Variants in HELZ2 observed in about 807,000 individuals in gnomAD.
The protein encoded by HELZ2 is 3'-5' exoribonuclease HELZ2.
In HELZ2, 143 loss-of-function variants were observed where a neutral mutation model predicts 208.8. That is an observed-to-expected ratio of 0.68 (90% CI 0.60 to 0.79). HELZ2 has a LOEUF of 0.79. HELZ2 is among the 30% of genes least tolerant of loss of function. The probability of loss-of-function intolerance (pLI) is 0.00; values close to 1 mark genes in which losing one functional copy is unlikely to be tolerated. For missense variants in HELZ2, 3,690 were observed against 3,794.5 expected (o/e 0.97, Z 0.72); for synonymous variants, 1,705 against 1,693.7 (o/e 1.01, Z -0.16).
chr20:63,559,957 G>C (rs371335525), exon 18 of HELZ2: 1 of 1,611,572 alleles, frequency 6.2e-7, no homozygotes, highest in East Asian at 2.2e-5. Flanking sequence ...CTGGGCCCGC[G>C]TGACAGCCAC....
chr20:63,568,538 C>A (rs531657638), exon 5 of HELZ2: 3 of 1,582,228 alleles, frequency 1.9e-6, no homozygotes, highest in Non-Finnish European at 1.7e-6. Flanking sequence ...CTCCTGCTTG[C>A]GGTTGCCACG....
chr20:63,565,657 C>T lies in HELZ2; in HGVS notation c.3165G>A (p.Glu1055=), dbSNP rs148291024. ...ACGGCCAGAAGTCAGCCTCTGCATC[C>T]TCAGCCTCCGTGGACTCCACGCCCG... Residue 1055 remains glutamate, a synonymous_variant, in exon 8 of 19, where the codon GAG becomes GAA. Transcript: ENST00000467148. The T allele has an allele frequency of 3.7e-6, 6 of 1,610,316 alleles. No homozygotes were observed. The African/African-American group carries it at 8.0e-5, about 21-fold the overall frequency.
exon 10 of HELZ2, chr20:63,562,127 G>C (rs924016550): frequency 2.5e-6 from 4 of 1,586,812 alleles, no homozygotes; most frequent in Non-Finnish European, 2.6e-6. Context: ...TGACCGCCAC[G>C]TTCTGGCTGG....
At position 63,572,092 on chromosome 20, in the gene HELZ2, C is replaced by A; in HGVS notation, c.278+16G>T. The A allele has an allele frequency of 1.3e-6, 2 of 1,594,972 alleles. No homozygotes were observed. The highest frequency in any genetic ancestry group is 1.7e-6 in the Non-Finnish European group (2 of 1,170,310). ...GCTCCTGCCCTACTCCAAGCTCCTGCCTCGAGTATCCTTACTTTGGGCAGA... is the reference window on the plus strand; with the variant it reads ...GCTCCTGCCCTACTCCAAGCTCCTGACTCGAGTATCCTTACTTTGGGCAGA... On this transcript the variant is annotated intron_variant, in intron 1 of 18. Transcript: ENST00000467148.
exon 8 of HELZ2, chr20:63,564,383 T>C: frequency 6.4e-7 from 1 of 1,552,542 alleles, no homozygotes; most frequent in Non-Finnish European, 8.7e-7. Context: ...GTCCACGGAG[T>C]CCAGGCGGGC....
At chr20:63,559,030 A>C, downstream of HELZ2, 2 of 519,764 alleles carry the variant, frequency 3.8e-6, no homozygotes, top group Non-Finnish European at 3.4e-6. Flanking sequence ...CCACCCTGAG[A>C]GGTGTTCCTG....
In HELZ2 at chr20:63,561,279, C is replaced by A. The variant is rs778984434; in HGVS notation, c.6954-5G>T. The A allele has an allele frequency of 1.2e-6, 2 of 1,612,398 alleles. No homozygotes were observed. The highest frequency in any genetic ancestry group is 1.7e-6 in the Non-Finnish European group (2 of 1,179,622). On this transcript the variant is annotated splice_polypyrimidine_tract_variant and splice_region_variant and intron_variant, in intron 13 of 18. Coordinates refer to ENST00000467148, the Ensembl canonical transcript of HELZ2. ...TCCCACAAGACCTTCTTGTACCTGCCGGGGACACTGCTTGTCACCCCAGGG... is the reference window on the plus strand; with the variant it reads ...TCCCACAAGACCTTCTTGTACCTGCAGGGGACACTGCTTGTCACCCCAGGG...
exon 8 of HELZ2, chr20:63,565,710 C>T (rs1488052586): frequency 1.2e-6 from 2 of 1,607,146 alleles, no homozygotes; most frequent in African/African-American, 1.3e-5. Context: ...GCCGCACAGG[C>T]CCCGGGCACC....
exon 8 of HELZ2, chr20:63,562,738 G>T: frequency 2.5e-6 from 4 of 1,603,860 alleles, no homozygotes; most frequent in Non-Finnish European, 2.5e-6. Context: ...CAGGGCCGAG[G>T]CTGCTGGGCC....
At chr20:63,568,923 C>T in exon 5 of HELZ2, 2 of 1,609,378 alleles carry the variant, frequency 1.2e-6, no homozygotes, top group Non-Finnish European at 1.7e-6. Context: ...TACAGTGCTC[C>T]CGGAGGCGCG....
chr20:63,565,856 G>T, exon 8 of HELZ2: 1 of 1,598,034 alleles, frequency 6.3e-7, no homozygotes. Flanking sequence ...CACCACAGCC[G>T]CCTGCTCCTC....
exon 8 of HELZ2, chr20:63,565,674 C>T: frequency 1.2e-6 from 2 of 1,609,500 alleles, no homozygotes; most frequent in Non-Finnish European, 1.7e-6. Flanking sequence ...TCCGTGGACT[C>T]CACGCCCGCT....
At chr20:63,565,635 G>A (rs985156719) in exon 8 of HELZ2, 1 of 1,610,636 alleles carries the variant, frequency 6.2e-7, no homozygotes, top group African/African-American at 1.3e-5. Context: ...CCGTCCCACG[G>A]CCAGAAGTCA....
In HELZ2 at chr20:63,563,160, C is replaced by T. The variant is rs200470494; in HGVS notation, c.5662G>A (p.Gly1888Ser). 1.3e-4 allele frequency: 200 copies of T among 1,592,276 alleles called. 1 individual carries two copies. The highest frequency in any genetic ancestry group is 1.5e-4 in the Non-Finnish European group (181 of 1,174,570). The change falls in exon 8 of 19, where the codon GGC (glycine) becomes AGC (serine). Residue 1888 changes from glycine (G) to serine (S), a missense_variant. Physicochemically the swap from Gly to Ser is moderately conservative, Grantham distance 56. Coordinates refer to ENST00000467148, the Ensembl canonical transcript of HELZ2. ...AGGAAGCCGTGCTGCAGGCTGGTGC[C>T]GAGCTGCACCTGCAGGGTGTCCCCA...
chr20:63,559,828 G>A, intron 18 of HELZ2, 100 bp downstream of exon 19: 2 of 1,281,518 alleles, frequency 1.6e-6, no homozygotes, highest in Admixed American at 3.8e-5. Flanking sequence ...AGGAGTCAGG[G>A]TCAGGTCGGA....
chr20:63,565,517 T>TG lies in HELZ2; in HGVS notation c.3304_3305insC (p.Glu1102AlafsTer70). On this transcript the variant is annotated frameshift_variant, in exon 8 of 19. Coordinates refer to ENST00000467148, the Ensembl canonical transcript of HELZ2. LOFTEE classifies it high-confidence loss of function. Reference sequence around the variant, plus strand: ...GTACAGCCGGGCCTGCTGCAGGGACTCGGGCCTGGCGACAGTGTCCAGCAG... The same window carrying TG: ...GTACAGCCGGGCCTGCTGCAGGGACTGCGGGCCTGGCGACAGTGTCCAGCAG... 1.2e-6 allele frequency: 2 copies of TG among 1,606,592 alleles called. No homozygotes were observed. The highest frequency in any genetic ancestry group is 1.7e-6 in the Non-Finnish European group (2 of 1,179,434).
exon 8 of HELZ2, chr20:63,566,012 T>C: frequency 1.3e-6 from 2 of 1,595,918 alleles, no homozygotes; most frequent in South Asian, 2.2e-5. Flanking sequence ...ACTGTGCCGC[T>C]CCACGCACTC....
chr20:63,562,978 G>A, exon 8 of HELZ2: 1 of 1,595,858 alleles, frequency 6.3e-7, no homozygotes, highest in Non-Finnish European at 8.5e-7. Flanking sequence ...CCAGGGCGCA[G>A]AATGGTTCCC....
exon 15 of HELZ2, chr20:63,560,856 T>C: frequency 2.5e-6 from 4 of 1,613,110 alleles, no homozygotes; most frequent in Non-Finnish European, 3.4e-6. Flanking sequence ...CAGAGACCGG[T>C]CCAGACCCAG....
Sources: gnomAD v4.1 joint callset for allele counts on GRCh38, gnomAD v4.1.1 for gene constraint, MANE v1.5 for transcripts, NCBI Gene and HGNC (gene_info 2026-07-23, HGNC 2026-07-21) for gene names.